AASS: variants seen among roughly 807,000 people sequenced by gnomAD.
AASS encodes alpha-aminoadipic semialdehyde synthase, mitochondrial.
AASS carries 86 observed loss-of-function variants against 105.4 expected under a neutral mutation model. That is an observed-to-expected ratio of 0.82 (90% CI 0.69 to 0.98). The LOEUF is 0.98. Among genes scored for constraint, AASS ranks in the 50% least tolerant of loss-of-function variants. AASS has a pLI of 0.00. For synonymous variants in AASS, 381 were observed against 394.8 expected, an observed-to-expected ratio of 0.96 and a Z score of 0.41; for missense variants, 1,048 against 1,143.2, an observed-to-expected ratio of 0.92 and a Z score of 1.20.
At chr7:122,108,144 G>A (rs999207882) in intron 11 of AASS, among the ~76,000 whole-genome samples, 13 of 151,954 alleles carry the variant, frequency 8.6e-5, no homozygotes, top group South Asian at 2.1e-4. Context: ...CTGAATAGGC[G>A]AATCGATAAC....
At chr7:122,130,110 G>T (rs1195188373) in intron 2 of AASS, among the ~76,000 whole-genome samples, 2 of 151,908 alleles carry the variant, frequency 1.3e-5, no homozygotes, top group Non-Finnish European at 2.9e-5. Context: ...TACAAAACAT[G>T]ATCAGCAGTA....
chr7:122,132,441 T>C (rs952164616), intron 2 of AASS, among the ~76,000 whole-genome samples: 5 of 152,214 alleles, frequency 3.3e-5, no homozygotes, highest in African/African-American at 1.2e-4. Flanking sequence ...GAGGCTGACA[T>C]GATTAGTTGT....
intron 19 of AASS, chr7:122,081,878 T>C (rs961642217): frequency 2.7e-6 from 1 of 374,456 alleles, no homozygotes; most frequent in Non-Finnish European, 4.9e-6. Flanking sequence ...CTGGTTTACA[T>C]AAAAGACCTT....
intron 1 of AASS, among the ~76,000 whole-genome samples, chr7:122,142,652 A>G (rs1196463002): frequency 1.3e-5 from 2 of 152,182 alleles, no homozygotes; most frequent in Non-Finnish European, 2.9e-5. Context: ...TTTTGGGGTT[A>G]TTTTCCATTC....
chr7:122,140,504 A>AAAAAAAAAAAAAAAAAAAAC (rs1796343213), intron 1 of AASS, among the ~76,000 whole-genome samples: 1 of 149,806 alleles, frequency 6.7e-6, no homozygotes, highest in Non-Finnish European at 1.5e-5. Context: ...AAAAAAAAAA[A>AAAAAAAAAAAAAAAAAAAAC]AAAAGAATGA....
rs1190694301 is a variant in AASS, at chr7:122,125,701, A to G, written c.472+674T>C. Among the ~76,000 whole-genome samples the G allele has an allele frequency of 3.3e-5, 5 of 152,246 alleles. No individual in the cohort carries two copies. The East Asian group carries it at 9.6e-4, about 29-fold the overall frequency. On this transcript the variant is annotated intron_variant, in intron 4 of 23. Transcript: ENST00000417368. ...TTTAAATAAGGAAGAGGAACAGGCT[A>G]TGACTTAATGCTTGCTTGGACCAGT...
rs2150505481 is a variant in AASS, at chr7:122,076,579, C to A, written c.2691G>T (p.Gly897=). ...GTCCATAGATCTCCTTTGAAAAGGGCCCCATTAGGCCTTTGGCTCCAATTT... is the reference window on the plus strand; with the variant it reads ...GTCCATAGATCTCCTTTGAAAAGGGACCCATTAGGCCTTTGGCTCCAATTT... ...DGEIGAKGLM[G]PFSKEIYGPI... is the part of the protein sequence containing the mutation. The change falls in exon 24 of 24, where the codon GGG becomes GGT. Residue 897 remains glycine, a synonymous_variant. Transcript: ENST00000417368. 2 of 1,613,556 alleles carry A rather than the reference C, an allele frequency of 1.2e-6. No individual in the cohort carries two copies. Among genetic ancestry groups the A allele is most frequent in the Non-Finnish European group, 1.7e-6 (2 of 1,179,562 alleles).
At chr7:122,088,590 C>A (rs1053990524) in intron 18 of AASS, among the ~76,000 whole-genome samples, 5 of 152,100 alleles carry the variant, frequency 3.3e-5, no homozygotes, top group Non-Finnish European at 7.4e-5. Context: ...ACCTGGGATG[C>A]ACTGAAAGTT....
chr7:122,126,304 A>T, intron 4 of AASS, 71 bp downstream of exon 4: 3 of 1,378,180 alleles, frequency 2.2e-6, no homozygotes, highest in Non-Finnish European at 3.1e-6. Context: ...CTTGCCGCAG[A>T]AAAGAGAAAA....
intron 11 of AASS, among the ~76,000 whole-genome samples, chr7:122,106,539 GACTCGTACAAA>G (rs1794672694): frequency 6.6e-6 from 1 of 151,556 alleles, no homozygotes; most frequent in African/African-American, 2.4e-5. Flanking sequence ...AACAGCATAA[GACTCGTACAAA>G]ACCAGACACA....
intron 1 of AASS, among the ~76,000 whole-genome samples, chr7:122,140,701 AC>A (rs977465309): frequency 6.6e-6 from 1 of 151,884 alleles, no homozygotes; most frequent in Non-Finnish European, 1.5e-5. Flanking sequence ...AATGACTCAA[AC>A]CAAAACTATC....
At chr7:122,131,032 G>GC (rs1562991813) in intron 2 of AASS, among the ~76,000 whole-genome samples, 1 of 141,278 alleles carries the variant, frequency 7.1e-6, no homozygotes, top group African/African-American at 2.6e-5. Flanking sequence ...GTTTATTTTT[G>GC]CAAAAAAAAA....
At chr7:122,119,709 G>A (rs951526529) in intron 4 of AASS, among the ~76,000 whole-genome samples, 29 of 152,042 alleles carry the variant, frequency 1.9e-4, no homozygotes, top group Non-Finnish European at 3.4e-4. Flanking sequence ...TGTTATTACC[G>A]CCATGATCAA....
At chr7:122,090,536 G>A (rs1793847691) in intron 18 of AASS, among the ~76,000 whole-genome samples, 1 of 152,004 alleles carries the variant, frequency 6.6e-6, no homozygotes, top group African/African-American at 2.4e-5. Flanking sequence ...AATACATTTC[G>A]ATTCACAAAT....
intron 6 of AASS, 21 bp from the exon 7 acceptor site, chr7:122,116,978 A>G: frequency 6.3e-7 from 1 of 1,599,828 alleles, no homozygotes; most frequent in Non-Finnish European, 8.6e-7. Flanking sequence ...CACATGAGTA[A>G]AAATCCAAAA....
chr7:122,110,932 G>A (rs1489781765), intron 11 of AASS, among the ~76,000 whole-genome samples: 1 of 152,036 alleles, frequency 6.6e-6, no homozygotes, highest in Non-Finnish European at 1.5e-5. Context: ...TTTGATATTT[G>A]AAAACCAATT....
intron 1 of AASS, among the ~76,000 whole-genome samples, chr7:122,139,947 CTCAA>C (rs973830425): frequency 2.0e-4 from 22 of 111,200 alleles, no homozygotes; most frequent in South Asian, 2.9e-4. Flanking sequence ...GTGAGACTGT[CTCAA>C]ACAAACAAAC....
intron 9 of AASS, 69 bp from the exon 10 acceptor site, chr7:122,113,789 G>A: frequency 1.3e-6 from 2 of 1,565,576 alleles, no homozygotes; most frequent in Non-Finnish European, 8.7e-7. Flanking sequence ...TAAAAAAAAA[G>A]GAGTTTGGAA....
intron 1 of AASS, among the ~76,000 whole-genome samples, chr7:122,136,213 T>C (rs1156754390): frequency 6.6e-6 from 1 of 152,212 alleles, no homozygotes; most frequent in African/African-American, 2.4e-5. Context: ...TGGGGAAGGC[T>C]TGACCAAACA....
Sources: allele counts gnomAD v4.1 joint callset (sites outside exome capture counted in the v4.1 genomes callset), GRCh38; gene constraint gnomAD v4.1.1; transcripts MANE v1.5; gene names NCBI Gene and HGNC (gene_info 2026-07-23, HGNC 2026-07-21).